ATP5PB: variants seen among roughly 807,000 people sequenced by gnomAD.
ATP5PB encodes the protein ATP synthase peripheral stalk subunit b, mitochondrial.
In ATP5PB, 21 loss-of-function variants were observed where a neutral mutation model predicts 34.5. The ratio of observed to expected loss-of-function variants is 0.61; its 90% CI spans 0.43 to 0.88. The LOEUF is 0.88. Ranked by LOEUF, ATP5PB falls within the 40% of genes least tolerant of loss-of-function variation. The pLI is 0.00. For synonymous variants in ATP5PB, 108 were observed against 114.1 expected (o/e 0.95, Z 0.34); for missense variants, 293 against 317.4 (o/e 0.92, Z 0.58).
chr1:111,454,027 C>T (rs568017014), intron 2 of ATP5PB, among the ~76,000 whole-genome samples, 184 bp from the exon 3 acceptor site: 17 of 152,342 alleles, frequency 1.1e-4, no homozygotes, highest in African/African-American at 3.8e-4. Context: ...GTGATTAATT[C>T]TTTGCTGTTG....
In ATP5PB at chr1:111,462,160, G is replaced by T. The variant is rs1653640104; in HGVS notation, c.*1166G>T. The stretch of plus-strand genomic sequence containing the variant: ...ATACTTGTGTTCCATGGTGATAGCA[G>T]CCATTGTTCACAATAGCTAAAACAT... On this transcript the variant is annotated 3_prime_UTR_variant, in exon 7 of 7. Coordinates refer to ENST00000369722, the MANE Select transcript of ATP5PB (RefSeq NM_001688.5). 6.6e-6 allele frequency: 1 copy of T among 152,204 alleles called. No individual in the cohort carries two copies. Among genetic ancestry groups the T allele is most frequent in the African/African-American group, 2.4e-5 (1 of 41,450 alleles). The allele number at this position is 152,204 out of a possible 1,614,324, so 9.4% of individuals were successfully genotyped here.
intron 5 of ATP5PB, 77 bp from the exon 6 acceptor site, chr1:111,459,380 C>T: frequency 7.3e-7 from 1 of 1,370,868 alleles, no homozygotes; most frequent in South Asian, 1.6e-5. Context: ...TGGGCATTCT[C>T]ACTGGCAGAA....
intron 2 of ATP5PB, among the ~76,000 whole-genome samples, chr1:111,453,629 ACT>A (rs753737247): frequency 6.6e-6 from 1 of 152,200 alleles, no homozygotes; most frequent in Non-Finnish European, 1.5e-5. Context: ...AGTGTTTAGC[ACT>A]CTCATCAAAG....
rs770769094 is a variant in ATP5PB, at chr1:111,460,914, C to T, written c.694-3C>T. The T allele has an allele frequency of 6.2e-7, 1 of 1,613,130 alleles. No individual in the cohort carries two copies. Among genetic ancestry groups the T allele is most frequent in the South Asian group, 1.1e-5 (1 of 91,042 alleles). Reference sequence around the variant, plus strand: ...TAACCAGATTTCTCTTTCCTTATCACAGGAAAAGGAGACAATTGCCAAGTG... The same window carrying T: ...TAACCAGATTTCTCTTTCCTTATCATAGGAAAAGGAGACAATTGCCAAGTG... On this transcript the variant is annotated splice_region_variant and splice_polypyrimidine_tract_variant and intron_variant, in intron 6 of 6. Transcript: ENST00000369722.
At position 111,456,719 on chromosome 1, in the gene ATP5PB, G is replaced by A. The variant is rs778367498; in HGVS notation, c.477G>A (p.Leu159=). ...ATACGGAGAAGTCACAACAGGCACT[G>A]GTTCAGAAGCGCCATTACCTTTTTG... ...AIDTEKSQQA[L]VQKRHYLFDV... The change falls in exon 5 of 7, where the codon CTG becomes CTA. Residue 159 remains leucine (L), a synonymous_variant. Transcript: ENST00000369722. 2.5e-6 allele frequency: 4 copies of A among 1,612,800 alleles called. No homozygotes were observed. The highest frequency in any genetic ancestry group is 3.4e-6 in the Non-Finnish European group (4 of 1,179,552).
At chr1:111,459,892 C>T (rs530359075) in intron 6 of ATP5PB, among the ~76,000 whole-genome samples, 5 of 152,216 alleles carry the variant, frequency 3.3e-5, no homozygotes, top group East Asian at 1.9e-4. Context: ...GGGCTGGGCA[C>T]GGTGGCTCAC....
rs201323063 is a variant in ATP5PB, at chr1:111,460,304, AT to A, written c.694-605del. 9.7e-3 allele frequency among the ~76,000 whole-genome samples: 1,451 copies of A among 150,000 alleles called. 20 individuals carry two copies. Among genetic ancestry groups the A allele is most frequent in the African/African-American group, 0.034 (1,392 of 40,810 alleles). ...TTTTCTATTTGCTTAAACTGAATTAATTTTTTTTCATTTATATTTTTGCTTT... is the reference window on the plus strand; with the variant it reads ...TTTTCTATTTGCTTAAACTGAATTAATTTTTTTCATTTATATTTTTGCTTT... On this transcript the variant is annotated intron_variant, in intron 6 of 6. Coordinates refer to ENST00000369722, the MANE Select transcript of ATP5PB (RefSeq NM_001688.5).
At chr1:111,456,368 A>C in intron 4 of ATP5PB, 119 bp downstream of exon 4, 2 of 1,191,160 alleles carry the variant, frequency 1.7e-6, no homozygotes, top group Non-Finnish European at 2.3e-6. Flanking sequence ...AATGCTTCAA[A>C]TAAGTGTTAA....
At position 111,462,037 on chromosome 1, in the gene ATP5PB, TGTG is replaced by T. The variant is rs1213207725; in HGVS notation, c.*1047_*1049del. On this transcript the variant is annotated 3_prime_UTR_variant, in exon 7 of 7. Transcript: ENST00000369722. ...AAATGGTACAGCCATTATGGAAAAGTGTGGTGATTCCTCATAAAATTAAAATGG... is the reference window on the plus strand; with the variant it reads ...AAATGGTACAGCCATTATGGAAAAGTGTGATTCCTCATAAAATTAAAATGG... The T allele has an allele frequency of 6.6e-6, 1 of 152,074 alleles. No homozygotes were observed. The highest frequency in any genetic ancestry group is 2.4e-5 in the African/African-American group (1 of 41,396). The allele number at this position is 152,074 out of a possible 1,614,324, so 9.4% of individuals were successfully genotyped here. A position where few individuals can be genotyped will look rare whatever the true frequency, so the allele number is the denominator to read the frequency against.
intron 4 of ATP5PB, 31 bp from the exon 5 acceptor site, chr1:111,456,599 C>G (rs1425933076): frequency 1.9e-6 from 3 of 1,601,678 alleles, no homozygotes; most frequent in Non-Finnish European, 2.6e-6. Flanking sequence ...TGTGCTTTCA[C>G]TGATCTTTGT....
intron 3 of ATP5PB, among the ~76,000 whole-genome samples, chr1:111,454,856 T>C (rs932537666): frequency 6.6e-6 from 1 of 152,238 alleles, no homozygotes; most frequent in Non-Finnish European, 1.5e-5. Flanking sequence ...TTATCTCTGT[T>C]TGTTAGTAGA....
chr1:111,451,931 CAAAAA>C (rs550982709), intron 2 of ATP5PB, among the ~76,000 whole-genome samples: 151 of 152,036 alleles, frequency 9.9e-4, no homozygotes, highest in Non-Finnish European at 1.8e-3. Flanking sequence ...GCAACATAGA[CAAAAA>C]CAAAACAACA....
At position 111,459,592 on chromosome 1, in the gene ATP5PB, A is replaced by G; in HGVS notation, c.649A>G (p.Asn217Asp). ...TCGAAAGGAACAAGAACACATGATAAATTGGGTGGAGAAGCACGTGGTGCA... is the reference window on the plus strand; with the variant it reads ...TCGAAAGGAACAAGAACACATGATAGATTGGGTGGAGAAGCACGTGGTGCA... ...MRRKEQEHMI[N>D]WVEKHVVQSI... Residue 217 changes from asparagine to aspartate, a missense_variant, in exon 6 of 7, where the codon AAT becomes GAT. By Grantham distance (23) the Asn-to-Asp change is conservative (BLOSUM62 1). Coordinates refer to ENST00000369722, the MANE Select transcript of ATP5PB (RefSeq NM_001688.5). 5.0e-6 allele frequency: 8 copies of G among 1,613,956 alleles called. No individual in the cohort carries two copies. Among genetic ancestry groups the G allele is most frequent in the East Asian group, 2.2e-5 (1 of 44,886 alleles).
Position 111,456,728 on chromosome 1 carries a change from G to C in ATP5PB, c.486G>C (p.Lys162Asn). The C allele has an allele frequency of 1.9e-6, 3 of 1,612,440 alleles. No homozygotes were observed. Among genetic ancestry groups the C allele is most frequent in the Non-Finnish European group, 2.5e-6 (3 of 1,179,374 alleles). ...AGTCACAACAGGCACTGGTTCAGAA[G>C]CGCCATTACCTTTTTGATGTGCAAA... ...TEKSQQALVQKRHYLFDVQRN... is the reference protein window; with the variant it reads ...TEKSQQALVQNRHYLFDVQRN... The change falls in exon 5 of 7, where the codon AAG (lysine) becomes AAC (asparagine). Residue 162 changes from lysine (K) to asparagine (N), a missense_variant. By Grantham distance (94) the Lys-to-Asn change is moderately conservative. Transcript: ENST00000369722.
intron 3 of ATP5PB, among the ~76,000 whole-genome samples, chr1:111,455,113 C>T (rs1255080452): frequency 6.6e-6 from 1 of 151,986 alleles, no homozygotes; most frequent in Non-Finnish European, 1.5e-5. Flanking sequence ...TTGGCCCATA[C>T]CCAAGTATTG....
intron 3 of ATP5PB, among the ~76,000 whole-genome samples, chr1:111,455,504 T>C (rs1420010443): frequency 2.6e-5 from 4 of 152,174 alleles, no homozygotes; most frequent in African/African-American, 7.2e-5. Flanking sequence ...ATGTAAATCA[T>C]GGTTTGCATC....
Position 111,449,858 on chromosome 1 carries a change from C to T in ATP5PB, c.62C>T (p.Ala21Val), listed in dbSNP as rs778130788. ...GCAGCCCCCTCTCTGAAGAATGCAG[C>T]CTTCCTAGGTCCAGGGTAAGTGTGA... is the stretch of plus-strand genomic sequence containing the variant. ...ATAAPSLKNA[A>V]FLGPGVLQAT... Residue 21 changes from alanine (A) to valine (V), a missense_variant, in exon 2 of 7, where the codon GCC (alanine) becomes GTC (valine). By Grantham distance (64) the Ala-to-Val change is moderately conservative. Coordinates refer to ENST00000369722, the MANE Select transcript of ATP5PB (RefSeq NM_001688.5). The T allele has an allele frequency of 1.2e-5, 20 of 1,614,190 alleles. No homozygotes were observed. The highest frequency in any genetic ancestry group is 4.0e-5 in the African/African-American group (3 of 75,044).
intron 6 of ATP5PB, among the ~76,000 whole-genome samples, chr1:111,460,068 GT>G (rs1051173542): frequency 6.6e-6 from 1 of 152,156 alleles, no homozygotes; most frequent in Non-Finnish European, 1.5e-5. Flanking sequence ...GGAGGCTGAG[GT>G]GACAGGATCT....
In ATP5PB at chr1:111,456,673, A is replaced by G. The variant is rs1224596370; in HGVS notation, c.431A>G (p.Gln144Arg). 1.2e-6 allele frequency: 2 copies of G among 1,613,714 alleles called. No individual in the cohort carries two copies. The highest frequency in any genetic ancestry group is 2.2e-5 in the South Asian group (2 of 91,026). The change falls in exon 5 of 7, where the codon CAA (glutamine) becomes CGA (arginine). Residue 144 changes from glutamine (Q) to arginine (R), a missense_variant. Physicochemically the swap from Gln to Arg is conservative, Grantham distance 43 (BLOSUM62 1). Coordinates refer to ENST00000369722, the MANE Select transcript of ATP5PB (RefSeq NM_001688.5). ...QLEEAKQASI[Q>R]HIQNAIDTEK... ...GAAGAGGCGAAGCAGGCTTCCATCC[A>G]ACACATCCAGAATGCAATTGATACG... is the stretch of plus-strand genomic sequence containing the variant.
Sources: allele counts gnomAD v4.1 joint callset (sites outside exome capture counted in the v4.1 genomes callset), GRCh38; gene constraint gnomAD v4.1.1; transcripts MANE v1.5; gene names NCBI Gene and HGNC (gene_info 2026-07-23, HGNC 2026-07-21).